LIPC: variants seen among roughly 807,000 people sequenced by gnomAD.
LIPC encodes the protein lipase C, hepatic type.
Under a neutral mutation model 50.7 loss-of-function variants are expected in LIPC, and 44 were observed. The ratio of observed to expected loss-of-function variants is 0.87; its 90% CI spans 0.68 to 1.11. The LOEUF (loss-of-function observed/expected upper bound fraction) is 1.11, where lower values mean the gene tolerates loss of function less well. Among genes scored for constraint, LIPC ranks in the 50% most tolerant of loss-of-function variants. The pLI is 0.00. For synonymous variants in LIPC, 271 were observed against 256.4 expected (o/e 1.06, Z -0.54); for missense variants, 697 against 648.2 (o/e 1.08, Z -0.82).
At chr15:58,564,359 C>T (rs1225114148) in intron 8 of LIPC, among the ~76,000 whole-genome samples, 1 of 152,014 alleles carries the variant, frequency 6.6e-6, no homozygotes, top group African/African-American at 2.4e-5. Flanking sequence ...AGAAATGCTG[C>T]TGTGTTTGAT....
At chr15:58,450,289 T>C (rs1893855924) in intron 1 of LIPC, among the ~76,000 whole-genome samples, 1 of 152,214 alleles carries the variant, frequency 6.6e-6, no homozygotes, top group African/African-American at 2.4e-5. Flanking sequence ...ACACAGATTG[T>C]GGCCCCCACT....
intron 1 of LIPC, among the ~76,000 whole-genome samples, chr15:58,509,831 T>C (rs1193642092): frequency 6.6e-6 from 1 of 152,182 alleles, no homozygotes; most frequent in Non-Finnish European, 1.5e-5. Flanking sequence ...CATAATATGA[T>C]AGGAATGCTG....
chr15:58,538,450 C>T lies in LIPC; in HGVS notation c.206C>T (p.Pro69Leu), dbSNP rs143550925. 1.1e-4 allele frequency: 174 copies of T among 1,614,170 alleles called. No homozygotes were observed. The highest frequency in any genetic ancestry group is 2.9e-4 in the South Asian group (26 of 91,078). ...NQGCQIRINH[P>L]DTLQECGFNS... ...GGCTGTCAGATTCGAATCAATCATC[C>T]GGACACGTTACAGGAGTGCGGCTTC... Residue 69 changes from proline (P) to leucine (L), a missense_variant, in exon 2 of 9, where the codon CCG becomes CTG. Transcript: ENST00000299022.
chr15:58,532,184 C>G (rs1478314267), intron 1 of LIPC, among the ~76,000 whole-genome samples: 2 of 152,168 alleles, frequency 1.3e-5, no homozygotes, highest in East Asian at 3.9e-4. Flanking sequence ...CTCACCATGG[C>G]CTTGGGCAGA....
intron 1 of LIPC, among the ~76,000 whole-genome samples, chr15:58,528,763 C>A (rs1892864507): frequency 6.6e-6 from 1 of 152,226 alleles, no homozygotes; most frequent in Non-Finnish European, 1.5e-5. Context: ...CGGGTCCAGA[C>A]TGGAAAGGAA....
intron 1 of LIPC, among the ~76,000 whole-genome samples, chr15:58,492,509 G>A (rs766245411): frequency 3.3e-5 from 5 of 152,006 alleles, no homozygotes; most frequent in Admixed American, 6.6e-5. Flanking sequence ...ATTGAATTTC[G>A]TTTTACAAAC....
chr15:58,540,116 A>G (rs1566943847), intron 2 of LIPC, among the ~76,000 whole-genome samples: 1 of 152,232 alleles, frequency 6.6e-6, no homozygotes. Flanking sequence ...TTATGTAATC[A>G]GTGCTCCAAA....
At chr15:58,517,162 G>A (rs974392716) in intron 1 of LIPC, among the ~76,000 whole-genome samples, 3 of 152,236 alleles carry the variant, frequency 2.0e-5, no homozygotes, top group African/African-American at 7.2e-5. Context: ...CAACAATTGT[G>A]TTTGAGTAGA....
chr15:58,507,230 A>C (rs1892181272), intron 1 of LIPC, among the ~76,000 whole-genome samples: 1 of 152,220 alleles, frequency 6.6e-6, no homozygotes, highest in Non-Finnish European at 1.5e-5. Flanking sequence ...AACTTTCCCT[A>C]TCCTCTTGAG....
At chr15:58,447,726 G>A (rs1566909960) in intron 1 of LIPC, among the ~76,000 whole-genome samples, 2 of 152,130 alleles carry the variant, frequency 1.3e-5, no homozygotes, top group Non-Finnish European at 2.9e-5. Flanking sequence ...GATTTGGGAT[G>A]GGCTCCAGGA....
intron 1 of LIPC, among the ~76,000 whole-genome samples, chr15:58,441,548 G>A (rs1465819576): frequency 6.6e-6 from 1 of 152,150 alleles, no homozygotes; most frequent in Admixed American, 6.5e-5. Flanking sequence ...GGACCATGGG[G>A]AACACAGCTG....
At chr15:58,469,102 T>TTGTGTGTGTGTGTGTGTGTG (rs56309142) in intron 1 of LIPC, among the ~76,000 whole-genome samples, 5 of 140,720 alleles carry the variant, frequency 3.6e-5, no homozygotes, top group East Asian at 2.1e-4. Flanking sequence ...AGGGAACATT[T>TTGTGTGTGTGTGTGTGTGTG]TGTGTGTGTG....
chr15:58,535,278 C>G (rs1330386739), intron 1 of LIPC, among the ~76,000 whole-genome samples: 2 of 152,238 alleles, frequency 1.3e-5, no homozygotes, highest in Admixed American at 6.5e-5. Flanking sequence ...GTCTTTGCCT[C>G]CAACTAGTAC....
chr15:58,465,874 G>A (rs949510386), intron 1 of LIPC, among the ~76,000 whole-genome samples: 5 of 152,206 alleles, frequency 3.3e-5, no homozygotes, highest in Non-Finnish European at 5.9e-5. Flanking sequence ...AAACTAGGGA[G>A]ACAATCATAG....
intron 1 of LIPC, among the ~76,000 whole-genome samples, chr15:58,530,256 T>A (rs1224822988): frequency 6.6e-6 from 1 of 152,184 alleles, no homozygotes. Flanking sequence ...CCTGAAGGAA[T>A]CAGGGAAGAC....
intron 1 of LIPC, among the ~76,000 whole-genome samples, chr15:58,446,462 C>G (rs1475320106): frequency 6.6e-6 from 1 of 152,164 alleles, no homozygotes; most frequent in East Asian, 1.9e-4. Context: ...CCAGTTGTCC[C>G]AAGATAGTTG....
intron 8 of LIPC, chr15:58,565,652 T>C (rs1894339919): frequency 9.7e-7 from 1 of 1,033,100 alleles, no homozygotes; most frequent in African/African-American, 1.7e-5. Context: ...CTGGGATTTG[T>C]CTGATTTATT....
chr15:58,545,948 A>C lies in LIPC; in HGVS notation c.781A>C (p.Arg261=), dbSNP rs1893513754. Residue 261 remains arginine (R), a synonymous_variant, in exon 5 of 9, where the codon AGA becomes CGA. Transcript: ENST00000299022. ...TGGCTGCCACTTCCTAGAGCTCTAC[A>C]GACATATTGCCCAGCACGGCTTCAA... ...QPGCHFLELY[R]HIAQHGFNAI... The C allele has an allele frequency of 1.2e-6, 2 of 1,613,944 alleles. No individual in the cohort carries two copies. Among genetic ancestry groups the C allele is most frequent in the Non-Finnish European group, 1.7e-6 (2 of 1,179,922 alleles).
At chr15:58,445,960 A>C (rs1298346858) in intron 1 of LIPC, among the ~76,000 whole-genome samples, 2 of 152,216 alleles carry the variant, frequency 1.3e-5, no homozygotes, top group Non-Finnish European at 2.9e-5. Context: ...TTTTATTACA[A>C]AAGTGTTCAA....
Sources: gnomAD v4.1 joint callset for allele counts (sites outside exome capture counted in the v4.1 genomes callset) on GRCh38, gnomAD v4.1.1 for gene constraint, MANE v1.5 for transcripts, NCBI Gene and HGNC (gene_info 2026-07-23, HGNC 2026-07-21) for gene names.